DAB1: variants seen among roughly 807,000 people sequenced by gnomAD.
DAB1 encodes DAB adaptor protein 1, also known as disabled homolog 1.
In DAB1, 15 loss-of-function variants were observed where a neutral mutation model predicts 64.6. That is an observed-to-expected ratio of 0.23 (90% CI 0.16 to 0.36). The LOEUF is 0.36. Among genes scored for constraint, DAB1 ranks in the 10% least tolerant of loss-of-function variants. The probability of loss-of-function intolerance (pLI) is 1.00; values close to 1 mark genes in which losing one functional copy is unlikely to be tolerated. For missense variants in DAB1, 596 were observed against 706.7 expected (o/e 0.84, Z 1.78); for synonymous variants, 235 against 251.9 (o/e 0.93, Z 0.64).
chr1:57,788,339 C>G (rs538158207), intron 6 of DAB1, among the ~76,000 whole-genome samples: 1 of 152,104 alleles, frequency 6.6e-6, no homozygotes, highest in South Asian at 2.1e-4. Flanking sequence ...TACCACCCAG[C>G]AATAAACAGG....
intron 1 of DAB1, among the ~76,000 whole-genome samples, chr1:57,850,953 C>A (rs1047974294): frequency 3.9e-5 from 6 of 152,164 alleles, no homozygotes; most frequent in East Asian, 3.9e-4. Flanking sequence ...CCTTCCACCC[C>A]CTGCAAGCCC....
At chr1:58,292,151 A>G (rs1375213055) in intron 4 of DAB1, among the ~76,000 whole-genome samples, 1 of 152,156 alleles carries the variant, frequency 6.6e-6, no homozygotes, top group Non-Finnish European at 1.5e-5. Context: ...TCTGATCCTT[A>G]GGCCTTCAGA....
At chr1:57,207,550 TCTC>T (rs1393957278) in intron 2 of DAB1, among the ~76,000 whole-genome samples, 1 of 139,438 alleles carries the variant, frequency 7.2e-6, no homozygotes, top group Non-Finnish European at 1.6e-5. Context: ...TTCACGCCAT[TCTC>T]CTGCCTCAGC....
chr1:57,510,180 G>A (rs1558447280), intron 7 of DAB1, among the ~76,000 whole-genome samples: 1 of 152,090 alleles, frequency 6.6e-6, no homozygotes, highest in African/African-American at 2.4e-5. Flanking sequence ...CCCATCCCAA[G>A]CTGGCTTCCA....
intron 4 of DAB1, among the ~76,000 whole-genome samples, chr1:58,268,187 T>G (rs1661219951): frequency 6.6e-6 from 1 of 152,212 alleles, no homozygotes; most frequent in Non-Finnish European, 1.5e-5. Flanking sequence ...TAAAAAATTA[T>G]TCTTTTATAG....
chr1:58,408,686 A>G (rs1299132148), intron 3 of DAB1, among the ~76,000 whole-genome samples: 1 of 152,210 alleles, frequency 6.6e-6, no homozygotes. Context: ...GATATTTAAG[A>G]ATTTTGACTC....
chr1:57,277,857 C>T (rs1671592219), intron 2 of DAB1, among the ~76,000 whole-genome samples: 5 of 152,174 alleles, frequency 3.3e-5, no homozygotes, highest in Admixed American at 3.3e-4. Context: ...ATCTACTGGG[C>T]TTCTTCCAGT....
At chr1:57,190,964 TA>T (rs1664071572) in intron 2 of DAB1, among the ~76,000 whole-genome samples, 1 of 152,188 alleles carries the variant, frequency 6.6e-6, no homozygotes, top group Non-Finnish European at 1.5e-5. Context: ...TTGCCAGAGG[TA>T]AAGTCCCATA....
chr1:58,510,810 T>C (rs1454731854), intron 2 of DAB1, among the ~76,000 whole-genome samples: 1 of 151,982 alleles, frequency 6.6e-6, no homozygotes, highest in Non-Finnish European at 1.5e-5. Flanking sequence ...CAAAAGTCAG[T>C]TATGTTCTAC....
At chr1:57,853,950 T>C (rs890350373) in intron 1 of DAB1, among the ~76,000 whole-genome samples, 1 of 152,252 alleles carries the variant, frequency 6.6e-6, no homozygotes, top group Non-Finnish European at 1.5e-5. Context: ...TTTTTGCTTG[T>C]ATTACACATC....
intron 5 of DAB1, among the ~76,000 whole-genome samples, chr1:57,947,449 C>T (rs11207132): frequency 2.6e-5 from 4 of 151,930 alleles, no homozygotes; most frequent in South Asian, 2.1e-4. Context: ...CCTTGTTGCA[C>T]GGGCTGTGAG....
chr1:57,673,035 T>C (rs1646526374), intron 6 of DAB1, among the ~76,000 whole-genome samples: 1 of 152,174 alleles, frequency 6.6e-6, no homozygotes, highest in Non-Finnish European at 1.5e-5. Flanking sequence ...CAAAATACCA[T>C]AGAGTGGGTG....
intron 3 of DAB1, among the ~76,000 whole-genome samples, chr1:58,343,687 C>T (rs1643965605): frequency 6.6e-6 from 1 of 152,226 alleles, no homozygotes; most frequent in Admixed American, 6.5e-5. Context: ...CATCACTTAA[C>T]CTCTCTAATC....
chr1:58,469,759 ACT>A (rs1258766442), intron 3 of DAB1, among the ~76,000 whole-genome samples: 1 of 151,768 alleles, frequency 6.6e-6, no homozygotes, highest in African/African-American at 2.4e-5. Flanking sequence ...CTTGCTGGAA[ACT>A]CTCTCTGCCG....
chr1:57,850,554 AG>A (rs1653475497), intron 1 of DAB1, among the ~76,000 whole-genome samples: 1 of 152,058 alleles, frequency 6.6e-6, no homozygotes, highest in Admixed American at 6.6e-5. Context: ...CACACCTCAT[AG>A]GGGAAATCCT....
intron 3 of DAB1, among the ~76,000 whole-genome samples, chr1:58,496,329 G>A: frequency 6.6e-6 from 1 of 152,022 alleles, no homozygotes; most frequent in East Asian, 1.9e-4. Context: ...ACAATTTTCT[G>A]AAATGGATTT....
At chr1:57,846,213 A>G (rs889808219) in intron 1 of DAB1, among the ~76,000 whole-genome samples, 3 of 152,102 alleles carry the variant, frequency 2.0e-5, no homozygotes, top group Non-Finnish European at 2.9e-5. Flanking sequence ...TAATCCCAGC[A>G]CTTTGGGAGG....
At chr1:57,448,213 C>T (rs575379251) in intron 7 of DAB1, among the ~76,000 whole-genome samples, 31 of 152,242 alleles carry the variant, frequency 2.0e-4, no homozygotes, top group Admixed American at 5.9e-4. Context: ...AGAAATAGCA[C>T]GCTATATGTC....
intron 7 of DAB1, among the ~76,000 whole-genome samples, chr1:57,485,662 C>T (rs545417442): frequency 6.2e-4 from 95 of 152,282 alleles, no homozygotes; most frequent in African/African-American, 2.2e-3. Context: ...ACTTTAAGCA[C>T]CATGAGCCTT....
Sources: allele counts gnomAD v4.1 joint callset (sites outside exome capture counted in the v4.1 genomes callset), GRCh38; gene constraint gnomAD v4.1.1; transcripts MANE v1.5; gene names NCBI Gene and HGNC (gene_info 2026-07-23, HGNC 2026-07-21).